MYO5B: variants seen among roughly 807,000 people sequenced by gnomAD.
MYO5B encodes unconventional myosin-Vb.
Under a neutral mutation model 229.3 loss-of-function variants are expected in MYO5B, and 143 were observed. The ratio of observed to expected loss-of-function variants is 0.62; its 90% CI spans 0.54 to 0.72. MYO5B has a LOEUF of 0.72. Among genes scored for constraint, MYO5B ranks in the 30% least tolerant of loss-of-function variants. MYO5B has a pLI of 0.00. For synonymous variants in MYO5B, 918 were observed against 885.2 expected (o/e 1.04, Z -0.66); for missense variants, 2,321 against 2,331.0 (o/e 1.00, Z 0.09).
chr18:49,824,817 C>A lies in MYO5B; in HGVS notation c.*1654G>T, dbSNP rs1477946694. 2.6e-5 allele frequency: 4 copies of A among 152,108 alleles called. No individual in the cohort carries two copies. The highest frequency in any genetic ancestry group is 9.7e-5 in the African/African-American group (4 of 41,404). The allele number at this position is 152,108 out of a possible 1,614,324, so 9.4% of individuals were successfully genotyped here. On this transcript the variant is annotated 3_prime_UTR_variant, in exon 40 of 40. Coordinates refer to ENST00000285039, the MANE Select transcript of MYO5B (RefSeq NM_001080467.3). ...AGCTCTGCCGATGCCCAAGAGAAGC[C>A]GGCATGTTTAATGTGGATGTAGAGG...
chr18:49,952,661 G>A (rs28472691), intron 14 of MYO5B, among the ~76,000 whole-genome samples: 1 of 151,982 alleles, frequency 6.6e-6, no homozygotes, highest in Non-Finnish European at 1.5e-5. Flanking sequence ...TCTACCTGTA[G>A]AATGGACACA....
intron 14 of MYO5B, among the ~76,000 whole-genome samples, chr18:49,945,542 G>A (rs772321986): frequency 6.6e-5 from 10 of 152,060 alleles, no homozygotes; most frequent in East Asian, 1.9e-4. Flanking sequence ...CACCGAAAGC[G>A]TGAGGGCATA....
Position 50,040,317 on chromosome 18 carries a change from A to G in MYO5B, c.139-3T>C, listed in dbSNP as rs1367203814. On this transcript the variant is annotated splice_polypyrimidine_tract_variant and splice_region_variant and intron_variant, in intron 2 of 39. Transcript: ENST00000285039. ...ACATCAATTGGGTATTCCAGAATCT[A>G]AAGACATGCAAGTAGCAGACACAAA... The G allele has an allele frequency of 8.1e-6, 13 of 1,613,942 alleles. No homozygotes were observed. The Admixed American group carries it at 1.8e-4, about 23-fold the overall frequency.
chr18:50,047,564 A>T, intron 2 of MYO5B, among the ~76,000 whole-genome samples: 1 of 152,230 alleles, frequency 6.6e-6, no homozygotes, highest in South Asian at 2.1e-4. Context: ...TAGAAATACC[A>T]CTTGATACAG....
intron 1 of MYO5B, among the ~76,000 whole-genome samples, chr18:50,190,684 C>A (rs2033214694): frequency 6.6e-6 from 1 of 152,122 alleles, no homozygotes; most frequent in Non-Finnish European, 1.5e-5. Context: ...TCAAGAAGAG[C>A]AAGAACACAT....
chr18:49,953,108 C>T, intron 14 of MYO5B, 152 bp downstream of exon 14: 1 of 718,754 alleles, frequency 1.4e-6, no homozygotes, highest in Admixed American at 2.0e-5. Context: ...GGCCATTCAA[C>T]TGTTTTCATA....
rs753803083 is a variant in MYO5B, at chr18:49,974,490, C to T, written c.1182G>A (p.Leu394=). The T allele has an allele frequency of 6.2e-7, 1 of 1,614,172 alleles. No homozygotes were observed. Residue 394 remains leucine (L), a synonymous_variant, in exon 10 of 40, where the codon CTG becomes CTA. Coordinates refer to ENST00000285039, the MANE Select transcript of MYO5B (RefSeq NM_001080467.3). ...TSETYVKTMS[L]QQVINARNAL... The stretch of plus-strand genomic sequence containing the variant: ...CGTTGCGCGCATTGATCACCTGCTG[C>T]AGGGACATGGTCTTGACGTAGGTCT...
At chr18:50,163,060 G>C (rs900052886) in intron 1 of MYO5B, among the ~76,000 whole-genome samples, 1 of 152,182 alleles carries the variant, frequency 6.6e-6, no homozygotes, top group Non-Finnish European at 1.5e-5. Context: ...AAATGACTTC[G>C]TGAAGTATAG....
intron 6 of MYO5B, among the ~76,000 whole-genome samples, 153 bp from the exon 7 acceptor site, chr18:49,990,673 C>T (rs900135933): frequency 2.0e-5 from 3 of 152,224 alleles, no homozygotes; most frequent in Non-Finnish European, 2.9e-5. Flanking sequence ...TCAATTCCCA[C>T]TTTCCGACTT....
At chr18:50,193,879 T>C (rs1050202332) in intron 1 of MYO5B, among the ~76,000 whole-genome samples, 1 of 152,216 alleles carries the variant, frequency 6.6e-6, no homozygotes, top group Admixed American at 6.5e-5. Context: ...CTGGAAGCGG[T>C]GGCTTGTCCC....
At chr18:50,150,042 C>T (rs1414376507) in intron 1 of MYO5B, among the ~76,000 whole-genome samples, 24 of 150,062 alleles carry the variant, frequency 1.6e-4, no homozygotes, top group African/African-American at 5.9e-4. Flanking sequence ...AGACACTTCT[C>T]AAAAGAAGAC....
At chr18:50,011,622 T>C (rs150877005) in intron 4 of MYO5B, among the ~76,000 whole-genome samples, 316 of 152,044 alleles carry the variant, frequency 2.1e-3, no homozygotes, top group African/African-American at 7.3e-3. Context: ...CCGTGACACC[T>C]TTCTCTCCTT....
chr18:50,015,015 G>T (rs776723350), intron 4 of MYO5B, among the ~76,000 whole-genome samples: 36 of 152,304 alleles, frequency 2.4e-4, no homozygotes, highest in Admixed American at 7.2e-4. Context: ...GGAATTGGGG[G>T]TCTTGCTAGA....
At chr18:49,905,572 A>G (rs2024889889) in intron 19 of MYO5B, among the ~76,000 whole-genome samples, 1 of 152,214 alleles carries the variant, frequency 6.6e-6, no homozygotes, top group Admixed American at 6.5e-5. Context: ...CACTCAGCCC[A>G]TGTGTCACCT....
intron 1 of MYO5B, among the ~76,000 whole-genome samples, chr18:50,072,549 G>A (rs2030982887): frequency 6.6e-6 from 1 of 152,122 alleles, no homozygotes; most frequent in Admixed American, 6.6e-5. Context: ...CTCATTTGTA[G>A]GAGCTATCTT....
chr18:49,928,577 G>C (rs555803125), intron 17 of MYO5B, among the ~76,000 whole-genome samples: 21 of 152,358 alleles, frequency 1.4e-4, no homozygotes, highest in African/African-American at 4.6e-4. Context: ...ACAGGAGGCA[G>C]AGGTTGCAGT....
intron 16 of MYO5B, among the ~76,000 whole-genome samples, chr18:49,932,066 C>G (rs991775844): frequency 1.3e-5 from 2 of 152,218 alleles, no homozygotes; most frequent in African/African-American, 4.8e-5. Context: ...CTTCTTCTTC[C>G]AGGACCTCCT....
At chr18:50,036,122 G>A (rs1001447957) in intron 4 of MYO5B, among the ~76,000 whole-genome samples, 2 of 152,178 alleles carry the variant, frequency 1.3e-5, no homozygotes, top group East Asian at 1.9e-4. Flanking sequence ...GTTCTCTAGA[G>A]GTGACAAGAA....
chr18:49,970,141 G>T (rs2025675278), intron 10 of MYO5B, among the ~76,000 whole-genome samples: 1 of 152,242 alleles, frequency 6.6e-6, no homozygotes, highest in Non-Finnish European at 1.5e-5. Flanking sequence ...GGCAAATGCA[G>T]GTTAATGCAA....
Sources: gnomAD v4.1 joint callset for allele counts (sites outside exome capture counted in the v4.1 genomes callset) on GRCh38, gnomAD v4.1.1 for gene constraint, MANE v1.5 for transcripts, NCBI Gene and HGNC (gene_info 2026-07-23, HGNC 2026-07-21) for gene names.